PLCD1: variants seen among roughly 807,000 people sequenced by gnomAD.
The protein encoded by PLCD1 is 1-phosphatidylinositol 4,5-bisphosphate phosphodiesterase delta-1.
Under a neutral mutation model 87.4 loss-of-function variants are expected in PLCD1, and 71 were observed. The ratio of observed to expected loss-of-function variants is 0.81; its 90% CI spans 0.67 to 0.99. The LOEUF is 0.99. PLCD1 is among the 50% of genes least tolerant of loss of function. The pLI, the probability that PLCD1 is intolerant of heterozygous loss-of-function variation, is 0.00. For synonymous variants in PLCD1, 348 were observed against 399.2 expected (o/e 0.87, Z 1.53); for missense variants, 867 against 1,001.5 (o/e 0.87, Z 1.81).
intron 3 of PLCD1, among the ~76,000 whole-genome samples, chr3:38,015,579 T>G (rs971189451): frequency 4.6e-5 from 7 of 152,218 alleles, no homozygotes; most frequent in African/African-American, 1.7e-4. Flanking sequence ...AAGGGTTAAT[T>G]ATATGGTATG....
intron 3 of PLCD1, among the ~76,000 whole-genome samples, chr3:38,015,353 C>A (rs749139804): frequency 6.6e-6 from 1 of 152,168 alleles, no homozygotes; most frequent in Non-Finnish European, 1.5e-5. Context: ...TCCATGATTC[C>A]GTTTCTGTAA....
intron 3 of PLCD1, 24 bp downstream of exon 3, chr3:38,016,467 G>T: frequency 6.6e-7 from 1 of 1,523,150 alleles, no homozygotes; most frequent in South Asian, 1.1e-5. Context: ...GCCAGGCCTG[G>T]ACCCACTGCC....
chr3:38,028,450 C>T (rs1237375148), intron 1 of PLCD1, among the ~76,000 whole-genome samples: 2 of 152,220 alleles, frequency 1.3e-5, no homozygotes, highest in African/African-American at 4.8e-5. Context: ...CTCTAAGTCC[C>T]TCTAAATTCC....
At chr3:38,010,858 C>T (rs907073677) in intron 5 of PLCD1, among the ~76,000 whole-genome samples, 4 of 152,170 alleles carry the variant, frequency 2.6e-5, no homozygotes, top group Admixed American at 1.3e-4. Context: ...GGGCAGGGAC[C>T]CATCTTCTCT....
intron 2 of PLCD1, among the ~76,000 whole-genome samples, chr3:38,019,630 TG>T (rs1235225157): frequency 6.6e-6 from 1 of 152,148 alleles, no homozygotes; most frequent in African/African-American, 2.4e-5. Flanking sequence ...TTGGGTTCCT[TG>T]GTCTTTTTAG....
Position 38,025,415 on chromosome 3 carries a change from A to G in PLCD1, c.34+4091T>C, listed in dbSNP as rs7637318. Among the ~76,000 whole-genome samples the G allele has an allele frequency of 1, 152,104 of 152,318 alleles. 75,945 individuals carry two copies. Among genetic ancestry groups the G allele is most frequent in the Middle Eastern group, 1 (294 of 294 alleles). ...CTAGCGGGGACCTGAGTGGGGCGAGATCAGGCGGGACCGGGGATGGAGCCT... is the reference window on the plus strand; with the variant it reads ...CTAGCGGGGACCTGAGTGGGGCGAGGTCAGGCGGGACCGGGGATGGAGCCT... On this transcript the variant is annotated intron_variant, in intron 1 of 14. Coordinates refer to ENST00000334661, the MANE Select transcript of PLCD1 (RefSeq NM_006225.4). The surrounding 1 kb of genome is among the most constrained non-coding windows in gnomAD (Gnocchi z 4.0).
At chr3:38,010,609 C>A (rs184619347) in intron 5 of PLCD1, 47 bp from the exon 6 acceptor site, 7 of 1,525,418 alleles carry the variant, frequency 4.6e-6, no homozygotes, top group Admixed American at 1.8e-5. Flanking sequence ...CTCCAGCAGG[C>A]GCTCCTGGCT....
rs1700006804 is a variant in PLCD1 at position 38,008,575 on chromosome 3, G to A, written c.1785C>T (p.Asp595=). 1 of 1,614,216 alleles carries A rather than the reference G, an allele frequency of 6.2e-7. No individual in the cohort carries two copies. The highest frequency in any genetic ancestry group is 8.5e-7 in the Non-Finnish European group (1 of 1,180,002). ...TCAGCACGTACCCACAGGCCCCGTT[G>A]TCCTGGAAGCGGCCCTGGTACACGT... is the stretch of plus-strand genomic sequence containing the variant. ...EMDVYQGRFQ[D]NGACGYVLKP... The change falls in exon 12 of 15, where the codon GAC becomes GAT. Residue 595 remains aspartate (D), a synonymous_variant. Transcript: ENST00000334661.
At chr3:38,021,615 G>A (rs926649113) in intron 1 of PLCD1, among the ~76,000 whole-genome samples, 7 of 152,178 alleles carry the variant, frequency 4.6e-5, no homozygotes, top group South Asian at 2.1e-4. Flanking sequence ...GTATGTGTGC[G>A]TGTATCACCC....
At chr3:38,009,185 AG>A (rs1700025360) in intron 10 of PLCD1, 27 bp from the exon 11 acceptor site, 1 of 1,612,822 alleles carries the variant, frequency 6.2e-7, no homozygotes. Context: ...TTCGGTCAGC[AG>A]TGGAGGCCTC....
In PLCD1 at chr3:38,007,596, G is replaced by A; in HGVS notation, c.*177C>T. 2.8e-6 allele frequency: 2 copies of A among 702,998 alleles called. No individual in the cohort carries two copies. Among genetic ancestry groups the A allele is most frequent in the South Asian group, 3.0e-5 (2 of 66,716 alleles). 43.5% of individuals were successfully genotyped at this position (702,998 alleles called of 1,614,324 possible). The stretch of plus-strand genomic sequence containing the variant: ...CCTAACGGAATGAAGGACAGCTCCA[G>A]GGACTGGGCTAGCTCCTGGTCCCCA... On this transcript the variant is annotated 3_prime_UTR_variant, in exon 15 of 15. Coordinates refer to ENST00000334661, the MANE Select transcript of PLCD1 (RefSeq NM_006225.4).
In PLCD1 at chr3:38,009,066, T is replaced by C; in HGVS notation, c.1699A>G (p.Met567Val). The C allele has an allele frequency of 1.2e-6, 2 of 1,613,292 alleles. No individual in the cohort carries two copies. The highest frequency in any genetic ancestry group is 1.7e-6 in the Non-Finnish European group (2 of 1,179,836). The change falls in exon 11 of 15, where the codon ATG becomes GTG. Residue 567 changes from methionine (M) to valine (V), a missense_variant. Physicochemically the swap from Met to Val is conservative, Grantham distance 21 (BLOSUM62 1). Transcript: ENST00000334661. ...CCGATCTGGCAGCCCCCATTCCACA[T>C]CTCCACGGGGCTGTAGTTGGAGGAG... ...TDSSNYSPVE[M>V]WNGGCQIVAL... is the part of the protein sequence containing the mutation.
intron 1 of PLCD1, chr3:38,024,132 G>C (rs1287581216): frequency 3.6e-6 from 2 of 553,308 alleles, no homozygotes; most frequent in Non-Finnish European, 6.4e-6. Flanking sequence ...ATGAGAAGGG[G>C]TAACTAATCA....
At position 38,009,995 on chromosome 3, in the gene PLCD1, C is replaced by T. The variant is rs148282341; in HGVS notation, c.1196G>A (p.Arg399His). Residue 399 changes from arginine (R) to histidine (H), a missense_variant, in exon 8 of 15, where the codon CGC becomes CAC. By Grantham distance (29) the Arg-to-His change is conservative (BLOSUM62 0). Transcript: ENST00000334661. Reference protein sequence around the residue: ...LENHCTLEQQRVMARHLHAIL... With the variant: ...LENHCTLEQQHVMARHLHAIL... Reference sequence around the variant, plus strand: ...GGCATGCAGGTGCCGCGCCATCACGCGCTGCTGCTCCAGTGTGCAGTGGTT... The same window carrying T: ...GGCATGCAGGTGCCGCGCCATCACGTGCTGCTGCTCCAGTGTGCAGTGGTT... The T allele has an allele frequency of 2.7e-5, 43 of 1,614,116 alleles. No homozygotes were observed. In the African/African-American group the frequency reaches 4.3e-4, roughly 16 times the overall value.
In PLCD1 at chr3:38,009,003, CCCTCCTCCAGG is replaced by C. The variant is rs762751078; in HGVS notation, c.1723+28_1723+38del. On this transcript the variant is annotated intron_variant, in intron 11 of 14. Coordinates refer to ENST00000334661, the MANE Select transcript of PLCD1 (RefSeq NM_006225.4). ...CAGGCCCCCGGCCTTGGGACTGAAA[CCCTCCTCCAGG>C]CCTCCTCCAGCCCCAGCCAGCCCAT... is the stretch of plus-strand genomic sequence containing the variant. The C allele has an allele frequency of 8.0e-5, 124 of 1,545,456 alleles. No homozygotes were observed. The African/African-American group carries it at 1.5e-3, about 18-fold the overall frequency.
Position 38,025,212 on chromosome 3 carries a change from C to A in PLCD1, c.34+4294G>T, listed in dbSNP as rs1700295922. Among the ~76,000 whole-genome samples the A allele has an allele frequency of 6.6e-6, 1 of 151,884 alleles. No individual in the cohort carries two copies. The highest frequency in any genetic ancestry group is 2.1e-4 in the South Asian group (1 of 4,816). On this transcript the variant is annotated intron_variant, in intron 1 of 14. Coordinates refer to ENST00000334661, the MANE Select transcript of PLCD1 (RefSeq NM_006225.4). The surrounding 1 kb of genome is among the most constrained non-coding windows in gnomAD (Gnocchi z 4.0). The stretch of plus-strand genomic sequence containing the variant: ...GGTGTCCAGGCAGGGAGGGGCGGTC[C>A]CTCGGCTTTGGAGGCGGTGCGGGGG...
chr3:38,011,791 T>C, intron 3 of PLCD1, 118 bp from the exon 4 acceptor site: 1 of 913,096 alleles, frequency 1.1e-6, no homozygotes, highest in Admixed American at 1.8e-5. Context: ...AGGCCTGACT[T>C]ACTACACATC....
At chr3:38,022,865 C>G (rs1267173675) in intron 1 of PLCD1, among the ~76,000 whole-genome samples, 1 of 152,182 alleles carries the variant, frequency 6.6e-6, no homozygotes, top group East Asian at 1.9e-4. Flanking sequence ...CAGCCCTACT[C>G]AACCCAGTCA....
chr3:38,009,494 G>A, intron 9 of PLCD1, 63 bp from the exon 10 acceptor site: 1 of 1,591,846 alleles, frequency 6.3e-7, no homozygotes, highest in Non-Finnish European at 8.6e-7. Context: ...CACTGAGAAA[G>A]CCAGAAACCC....
Sources: gnomAD v4.1 joint callset for allele counts (sites outside exome capture counted in the v4.1 genomes callset) on GRCh38, gnomAD v4.1.1 for gene constraint, Gnocchi (gnomAD v3.1) non-coding constraint, MANE v1.5 for transcripts, NCBI Gene and HGNC (gene_info 2026-07-23, HGNC 2026-07-21) for gene names.